Variants in TTLL8 observed in about 807,000 individuals in gnomAD.
The protein encoded by TTLL8 is protein monoglycylase TTLL8.
TTLL8 carries 65 observed loss-of-function variants against 77.8 expected under a neutral mutation model. The ratio of observed to expected loss-of-function variants is 0.84; its 90% CI spans 0.68 to 1.03. The LOEUF is 1.03. TTLL8 is among the 50% of genes least tolerant of loss of function. The probability of loss-of-function intolerance (pLI) is 0.00; values close to 1 mark genes in which losing one functional copy is unlikely to be tolerated. For synonymous variants in TTLL8, 402 were observed against 422.8 expected (o/e 0.95, Z 0.60); for missense variants, 910 against 1,004.5 (o/e 0.91, Z 1.27).
intron 12 of TTLL8, among the ~76,000 whole-genome samples, chr22:50,021,060 G>C (rs1039651434): frequency 1.4e-5 from 2 of 147,094 alleles, no homozygotes; most frequent in African/African-American, 5.1e-5. Flanking sequence ...TCCTCCATCT[G>C]ACCTGCACTC....
intron 6 of TTLL8, among the ~76,000 whole-genome samples, chr22:50,043,242 GATAGATAA>G (rs1457998153): frequency 1.2e-3 from 184 of 150,306 alleles, no homozygotes; most frequent in Non-Finnish European, 1.6e-3. Flanking sequence ...TAGATGGATA[GATAGATAA>G]ACAGTGGTGC....
upstream of TTLL8, chr22:50,056,998 C>T (rs1443862923): frequency 1.6e-6 from 2 of 1,286,390 alleles, no homozygotes; most frequent in African/African-American, 1.5e-5. The surrounding 1 kb of genome is among the most constrained non-coding windows in gnomAD (Gnocchi z 4.1). Context: ...GTGGTGGTTA[C>T]AGGAAACTGG....
intron 12 of TTLL8, 90 bp downstream of exon 13, chr22:50,030,340 G>A: frequency 2.6e-6 from 3 of 1,174,686 alleles, no homozygotes; most frequent in Non-Finnish European, 3.2e-6. Flanking sequence ...CCTGCGCCCC[G>A]CTCTGGAGGA....
intron 12 of TTLL8, among the ~76,000 whole-genome samples, chr22:50,020,766 A>G (rs2061191448): frequency 7.9e-6 from 1 of 126,192 alleles, no homozygotes; most frequent in Non-Finnish European, 1.6e-5. Context: ...GATGATGTGT[A>G]CTCCTTCATC....
rs1243092863 is a variant in TTLL8, at chr22:50,034,126, A to G, written c.1039+219T>C. ...CAAAGGAGGAAATCCTGATTAACCC[A>G]TCAACCCGGATCCTGCCCTGTGATC... is the stretch of plus-strand genomic sequence containing the variant. On this transcript the variant is annotated intron_variant, in intron 9 of 13. Transcript: ENST00000266182. The surrounding 1 kb of genome is among the most constrained non-coding windows in gnomAD (Gnocchi z 4.1). 6.6e-6 allele frequency among the ~76,000 whole-genome samples: 1 copy of G among 152,248 alleles called. No individual in the cohort carries two copies. Among genetic ancestry groups the G allele is most frequent in the Admixed American group, 6.5e-5 (1 of 15,282 alleles).
chr22:50,028,617 T>C, intron 12 of TTLL8, among the ~76,000 whole-genome samples: 1 of 121,278 alleles, frequency 8.2e-6, no homozygotes, highest in African/African-American at 3.0e-5. Flanking sequence ...CACACCGTCC[T>C]GAAGACCCCC....
chr22:50,024,068 CAT>C (rs1760087082), intron 12 of TTLL8, among the ~76,000 whole-genome samples: 1 of 152,174 alleles, frequency 6.6e-6, no homozygotes, highest in Admixed American at 6.5e-5. Flanking sequence ...ATTCAAATGA[CAT>C]AGAGTAGCCA....
chr22:50,029,647 C>T (rs1427203953), intron 12 of TTLL8, among the ~76,000 whole-genome samples: 3 of 152,090 alleles, frequency 2.0e-5, no homozygotes, highest in Non-Finnish European at 4.4e-5. Context: ...AGGAGAATGG[C>T]GCGAACCCGG....
At chr22:50,045,228 G>A in intron 6 of TTLL8, 27 bp downstream of exon 8, 1 of 1,343,496 alleles carries the variant, frequency 7.4e-7, no homozygotes, top group African/African-American at 1.5e-5. Flanking sequence ...TGGTGGCCTG[G>A]CACTGCCCTG....
chr22:50,022,733 T>G (rs1244112887), intron 12 of TTLL8, among the ~76,000 whole-genome samples: 1 of 152,228 alleles, frequency 6.6e-6, no homozygotes, highest in African/African-American at 2.4e-5. Context: ...CAGGTCCATG[T>G]AGGTGTGGAG....
chr22:50,041,086 G>T lies in TTLL8; in HGVS notation c.921+101C>A, dbSNP rs73893119. The T allele has an allele frequency of 2.9e-6, 1 of 346,530 alleles. No individual in the cohort carries two copies. The highest frequency in any genetic ancestry group is 5.7e-6 in the Non-Finnish European group (1 of 174,986). The allele number at this position is 346,530 out of a possible 1,614,324, so 21.5% of individuals were successfully genotyped here. A position where few individuals can be genotyped will look rare whatever the true frequency, so the allele number is the denominator to read the frequency against. On this transcript the variant is annotated intron_variant, in intron 8 of 13. Coordinates refer to ENST00000266182, the Ensembl canonical transcript of TTLL8. This position sits in a 1 kb window ranked among gnomAD's most constrained non-coding sequence, Gnocchi z 4.3. The stretch of plus-strand genomic sequence containing the variant: ...CTCGGCACACCTCTGCCAGTCACTC[G>T]CCAGCTGCCAGGAGCTCTGGGCCCA...
chr22:50,022,520 C>A (rs1347913880), intron 12 of TTLL8, among the ~76,000 whole-genome samples: 1 of 152,108 alleles, frequency 6.6e-6, no homozygotes, highest in African/African-American at 2.4e-5. Context: ...AATGTGTACT[C>A]CTCCATCTGA....
At chr22:50,058,182 G>GCCGC (rs2061497225), upstream of TTLL8, among the ~76,000 whole-genome samples, 2 of 151,830 alleles carry the variant, frequency 1.3e-5, no homozygotes, top group South Asian at 4.1e-4. The surrounding 1 kb of genome is among the most constrained non-coding windows in gnomAD (Gnocchi z 4.2). Flanking sequence ...CTCGCGCTGC[G>GCCGC]CCGCCCGGCT....
Position 50,034,784 on chromosome 22 carries a change from G to T in TTLL8, c.922-322C>A, listed in dbSNP as rs1279832714. Reference sequence around the variant, plus strand: ...CACCCTGCCTGGGTGGAAATGGTGGGATGCACGGGTGGGGGTGGGGAGATG... The same window carrying T: ...CACCCTGCCTGGGTGGAAATGGTGGTATGCACGGGTGGGGGTGGGGAGATG... On this transcript the variant is annotated intron_variant, in intron 8 of 13. Transcript: ENST00000266182. The surrounding 1 kb of genome is among the most constrained non-coding windows in gnomAD (Gnocchi z 4.1). Among the ~76,000 whole-genome samples the T allele has an allele frequency of 6.6e-6, 1 of 152,022 alleles. No homozygotes were observed. Among genetic ancestry groups the T allele is most frequent in the Non-Finnish European group, 1.5e-5 (1 of 68,006 alleles).
intron 9 of TTLL8, among the ~76,000 whole-genome samples, chr22:50,033,812 A>C (rs747125632): frequency 1.2e-4 from 18 of 152,200 alleles, no homozygotes; most frequent in Non-Finnish European, 2.4e-4. Flanking sequence ...AGGCAGGTGA[A>C]TCACTTGAGG....
At chr22:50,031,889 T>G in exon 11 of TTLL8, 1 of 1,367,250 alleles carries the variant, frequency 7.3e-7, no homozygotes, top group Non-Finnish European at 9.8e-7. Flanking sequence ...AAGCTGTTCT[T>G]GCGAGGCTCC....
At chr22:50,039,267 T>C (rs2061354161) in intron 8 of TTLL8, among the ~76,000 whole-genome samples, 1 of 152,236 alleles carries the variant, frequency 6.6e-6, no homozygotes. Context: ...TTTAATTAAC[T>C]AGTGAAATCA....
intron 1 of TTLL8, among the ~76,000 whole-genome samples, chr22:50,051,731 T>C (rs2061444593): frequency 6.6e-6 from 1 of 152,192 alleles, no homozygotes; most frequent in Non-Finnish European, 1.5e-5. Context: ...TGGCCATTCT[T>C]GCAGGAGGAA....
chr22:50,047,156 CGG>C lies in TTLL8; in HGVS notation c.393+10_393+11del, dbSNP rs773124469. On this transcript the variant is annotated intron_variant, in intron 4 of 13. Transcript: ENST00000266182. ...TGCCGGCTCCCGCCACGCTCAAGCG[CGG>C]CCGGCTCACCTTGGTGGTGAAGGAG... 1.3e-5 allele frequency: 18 copies of C among 1,367,054 alleles called. No homozygotes were observed. The highest frequency in any genetic ancestry group is 1.7e-5 in the Non-Finnish European group (17 of 1,021,608). The allele number at this position is 1,367,054 out of a possible 1,614,324, so 84.7% of individuals were successfully genotyped here. A position where few individuals can be genotyped will look rare whatever the true frequency, so the allele number is the denominator to read the frequency against.
Sources: allele counts gnomAD v4.1 joint callset (sites outside exome capture counted in the v4.1 genomes callset), GRCh38; gene constraint gnomAD v4.1.1; non-coding constraint Gnocchi (gnomAD v3.1); transcripts MANE v1.5; gene names NCBI Gene and HGNC (gene_info 2026-07-23, HGNC 2026-07-21).